The following XPNPEP3 variants were observed in gnomAD, a reference collection of about 807,000 sequenced individuals.
The protein encoded by XPNPEP3 is X-prolyl aminopeptidase 3.
Under a neutral mutation model 60.0 loss-of-function variants are expected in XPNPEP3, and 41 were observed. The ratio of observed to expected loss-of-function variants is 0.68; its 90% CI spans 0.53 to 0.89. XPNPEP3 has a LOEUF of 0.89. Among genes scored for constraint, XPNPEP3 ranks in the 40% least tolerant of loss-of-function variants. The pLI is 0.00. For synonymous variants in XPNPEP3, 212 were observed against 223.2 expected (o/e 0.95, Z 0.45); for missense variants, 598 against 638.9 (o/e 0.94, Z 0.69).
At chr22:40,871,303 TGA>T (rs1213510180) in intron 2 of XPNPEP3, among the ~76,000 whole-genome samples, 1 of 151,888 alleles carries the variant, frequency 6.6e-6, no homozygotes, top group African/African-American at 2.4e-5. Context: ...CAGTGAGCTG[TGA>T]TCATGCCTCT....
chr22:40,887,798 G>GC (rs1227532081), intron 4 of XPNPEP3, among the ~76,000 whole-genome samples: 1 of 151,340 alleles, frequency 6.6e-6, no homozygotes, highest in African/African-American at 2.4e-5. Context: ...TAACAGTAAA[G>GC]CCCCCCGAGA....
chr22:40,900,691 G>A (rs1340467010), intron 4 of XPNPEP3, among the ~76,000 whole-genome samples: 1 of 152,152 alleles, frequency 6.6e-6, no homozygotes, highest in Non-Finnish European at 1.5e-5. Flanking sequence ...CACTTTGAGA[G>A]GCCAAGGTGG....
At chr22:40,860,231 C>T (rs1276115861) in intron 1 of XPNPEP3, 1 of 152,306 alleles carries the variant, frequency 6.6e-6, no homozygotes, top group Non-Finnish European at 1.5e-5. Context: ...CACGTACCAC[C>T]ACACCCAGCT....
Position 40,926,510 on chromosome 22 carries a change from G to A in XPNPEP3, c.*75G>A, listed in dbSNP as rs1219290699. On this transcript the variant is annotated 3_prime_UTR_variant, in exon 10 of 10. Transcript: ENST00000357137. ...GCAGCCCTGCACGTGTGCTTTCTGA[G>A]TGTCTCTGTGTGTGCATTAATATAT... The A allele has an allele frequency of 7.9e-6, 12 of 1,510,576 alleles. No individual in the cohort carries two copies. Among genetic ancestry groups the A allele is most frequent in the African/African-American group, 2.7e-5 (2 of 72,814 alleles). The allele number at this position is 1,510,576 out of a possible 1,614,324, so 93.6% of individuals were successfully genotyped here.
chr22:40,862,081 G>C, intron 1 of XPNPEP3: 2 of 1,518,516 alleles, frequency 1.3e-6, no homozygotes, highest in Admixed American at 4.7e-5. Context: ...TGGTGATAGA[G>C]GTAGTGACTG....
chr22:40,926,795 C>T lies in XPNPEP3; in HGVS notation c.*360C>T. On this transcript the variant is annotated 3_prime_UTR_variant, in exon 10 of 10. Transcript: ENST00000357137. ...ATTCACTTCTTCTTTCAAGTCCTTC[C>T]CTTTCTATACTTTTGCTGAGATCAA... 1 of 319,878 alleles carries T rather than the reference C, an allele frequency of 3.1e-6. No individual in the cohort carries two copies. Among genetic ancestry groups the T allele is most frequent in the Non-Finnish European group, 6.0e-6 (1 of 165,510 alleles). The allele number at this position is 319,878 out of a possible 1,614,324, so 19.8% of individuals were successfully genotyped here. A position where few individuals can be genotyped will look rare whatever the true frequency, so the allele number is the denominator to read the frequency against.
At chr22:40,903,043 G>A (rs921179556) in intron 4 of XPNPEP3, among the ~76,000 whole-genome samples, 5 of 152,134 alleles carry the variant, frequency 3.3e-5, no homozygotes, top group Non-Finnish European at 5.9e-5. Flanking sequence ...GCCCTCTGAC[G>A]AGCTCATGGA....
intron 4 of XPNPEP3, among the ~76,000 whole-genome samples, chr22:40,900,873 C>T (rs532883106): frequency 6.6e-6 from 1 of 152,208 alleles, no homozygotes; most frequent in African/African-American, 2.4e-5. Context: ...GCAGAGGCTT[C>T]AGTGAGCCAA....
At chr22:40,884,299 A>G (rs2058059807) in intron 3 of XPNPEP3, among the ~76,000 whole-genome samples, 1 of 151,290 alleles carries the variant, frequency 6.6e-6, no homozygotes, top group Admixed American at 6.6e-5. Context: ...CTCATGTAAA[A>G]TAAATTTCTC....
chr22:40,886,210 C>G (rs1421056228), intron 3 of XPNPEP3, 103 bp from the exon 4 acceptor site: 15 of 1,160,192 alleles, frequency 1.3e-5, no homozygotes, highest in Non-Finnish European at 1.9e-5. Context: ...TTCCACGTTA[C>G]AGGTTTTATA....
chr22:40,923,152 G>C (rs1469909089), intron 8 of XPNPEP3, among the ~76,000 whole-genome samples: 1 of 151,588 alleles, frequency 6.6e-6, no homozygotes, highest in Non-Finnish European at 1.5e-5. Context: ...GTTCAACGCT[G>C]CAGTGAGCTA....
chr22:40,868,537 T>G (rs62237039), intron 1 of XPNPEP3, among the ~76,000 whole-genome samples: 3,258 of 152,198 alleles, frequency 0.021, 61 homozygotes, highest in Non-Finnish European at 0.037. Flanking sequence ...ACACAGAGTC[T>G]GACACAGAGC....
At chr22:40,905,237 G>A (rs562042513) in intron 4 of XPNPEP3, among the ~76,000 whole-genome samples, 63 of 151,798 alleles carry the variant, frequency 4.2e-4, no homozygotes, top group African/African-American at 1.4e-3. Flanking sequence ...GTACCACCAC[G>A]CCCAGCTAAT....
At chr22:40,922,765 T>C (rs2058221547) in intron 8 of XPNPEP3, among the ~76,000 whole-genome samples, 5 of 151,482 alleles carry the variant, frequency 3.3e-5, no homozygotes, top group Admixed American at 3.3e-4. Flanking sequence ...TACACACACA[T>C]ACGTAGATAT....
intron 4 of XPNPEP3, among the ~76,000 whole-genome samples, chr22:40,897,408 T>C (rs1296609545): frequency 1.3e-5 from 2 of 152,182 alleles, no homozygotes; most frequent in Non-Finnish European, 2.9e-5. Context: ...GCTATGTACC[T>C]GGGTTTACAA....
At chr22:40,869,763 T>G (rs1198394711) in intron 2 of XPNPEP3, among the ~76,000 whole-genome samples, 1 of 152,226 alleles carries the variant, frequency 6.6e-6, no homozygotes, top group Admixed American at 6.5e-5. Context: ...CTAAAGGTTT[T>G]TTGTTTTGAT....
In XPNPEP3 at chr22:40,874,252, C is replaced by T. The variant is rs567525882; in HGVS notation, c.181+5137C>T. 2.6e-5 allele frequency among the ~76,000 whole-genome samples: 4 copies of T among 152,212 alleles called. No individual in the cohort carries two copies. In the South Asian group the frequency reaches 8.3e-4, roughly 32 times the overall value. On this transcript the variant is annotated intron_variant, in intron 2 of 9. Transcript: ENST00000357137. ...CTAGCCTGGGTGACAGAGTGTTACC[C>T]TATCTCAGAAGAATTTAAAAAATTA...
At chr22:40,882,696 A>G (rs2058053101) in intron 3 of XPNPEP3, among the ~76,000 whole-genome samples, 1 of 152,122 alleles carries the variant, frequency 6.6e-6, no homozygotes, top group African/African-American at 2.4e-5. Flanking sequence ...GTGAGCTAAG[A>G]TCCCGCCACT....
intron 6 of XPNPEP3, among the ~76,000 whole-genome samples, chr22:40,912,556 A>G (rs1284539639): frequency 6.6e-6 from 1 of 152,094 alleles, no homozygotes; most frequent in East Asian, 1.9e-4. Context: ...ATCTCATTAG[A>G]TGGTTTCTTT....
Sources: allele counts gnomAD v4.1 joint callset (sites outside exome capture counted in the v4.1 genomes callset), GRCh38; gene constraint gnomAD v4.1.1; transcripts MANE v1.5; gene names NCBI Gene and HGNC (gene_info 2026-07-23, HGNC 2026-07-21).